The following ELK3 variants were observed in gnomAD, a reference collection of about 807,000 sequenced individuals.
The protein encoded by ELK3 is ETS transcription factor ELK3.
Under a neutral mutation model 28.9 loss-of-function variants are expected in ELK3, and 10 were observed. The ratio of observed to expected loss-of-function variants is 0.35; its 90% CI spans 0.21 to 0.59. The LOEUF (loss-of-function observed/expected upper bound fraction) is 0.59, where lower values mean the gene tolerates loss of function less well. ELK3 is among the 20% of genes least tolerant of loss of function. The pLI, the probability that ELK3 is intolerant of heterozygous loss-of-function variation, is 0.82. For synonymous variants in ELK3, 272 were observed against 243.5 expected, an observed-to-expected ratio of 1.12 and a Z score of -1.09; for missense variants, 463 against 517.3, an observed-to-expected ratio of 0.90 and a Z score of 1.02.
chr12:96,246,898 C>A, intron 2 of ELK3, 42 bp from the exon 3 acceptor site: 1 of 1,541,406 alleles, frequency 6.5e-7, no homozygotes, highest in Non-Finnish European at 8.8e-7. Context: ...CATGGTTTCT[C>A]GGGTGCACTC....
chr12:96,206,779 G>A (rs1951540941), intron 1 of ELK3, among the ~76,000 whole-genome samples: 1 of 152,170 alleles, frequency 6.6e-6, no homozygotes, highest in South Asian at 2.1e-4. Flanking sequence ...TAAGGGCAGC[G>A]AGGATGCTTT....
chr12:96,204,625 C>T (rs1951528738), intron 1 of ELK3, among the ~76,000 whole-genome samples: 2 of 152,026 alleles, frequency 1.3e-5, no homozygotes, highest in African/African-American at 2.4e-5. Flanking sequence ...AAAATAAGCC[C>T]GAAATTATTC....
At chr12:96,257,863 T>C (rs534092363) in intron 3 of ELK3, among the ~76,000 whole-genome samples, 56 of 152,216 alleles carry the variant, frequency 3.7e-4, no homozygotes, top group Non-Finnish European at 5.4e-4. Flanking sequence ...CTCACATAGA[T>C]GAAGTACGTT....
At chr12:96,240,979 G>T (rs1473876214) in intron 2 of ELK3, among the ~76,000 whole-genome samples, 1 of 152,196 alleles carries the variant, frequency 6.6e-6, no homozygotes. Flanking sequence ...TGAAATTATG[G>T]CTCATTAAGC....
chr12:96,217,772 C>A (rs1223763580), intron 1 of ELK3, among the ~76,000 whole-genome samples: 3 of 151,802 alleles, frequency 2.0e-5, no homozygotes, highest in Non-Finnish European at 4.4e-5. Flanking sequence ...CCTGTCTCCA[C>A]TAAAAATACA....
At chr12:96,199,618 C>T (rs1430566265) in intron 1 of ELK3, among the ~76,000 whole-genome samples, 3 of 151,912 alleles carry the variant, frequency 2.0e-5, no homozygotes, top group Non-Finnish European at 4.4e-5. Context: ...CTGCCTGAAA[C>T]CAAAATAAAA....
At chr12:96,216,085 T>C (rs1951615537) in intron 1 of ELK3, among the ~76,000 whole-genome samples, 1 of 152,226 alleles carries the variant, frequency 6.6e-6, no homozygotes, top group South Asian at 2.1e-4. Flanking sequence ...TCTGTGTCTT[T>C]TGCCCTGACC....
chr12:96,230,918 C>T (rs927758073), intron 2 of ELK3, among the ~76,000 whole-genome samples: 1 of 152,156 alleles, frequency 6.6e-6, no homozygotes, highest in Non-Finnish European at 1.5e-5. Context: ...GGGGCAAACC[C>T]AATTATAATT....
rs1400192970 is a variant in ELK3, at chr12:96,268,575, A to C, written c.*1395A>C. On this transcript the variant is annotated 3_prime_UTR_variant, in exon 5 of 5. Transcript: ENST00000228741. ...GAAAGTTCTAATACAAGAAAACTGA[A>C]AAGCACCAAGCTTTAAATTCAAGAT... 2.6e-5 allele frequency: 4 copies of C among 152,228 alleles called. No homozygotes were observed. Among genetic ancestry groups the C allele is most frequent in the Non-Finnish European group, 5.9e-5 (4 of 68,034 alleles). 9.4% of individuals were successfully genotyped at this position (152,228 alleles called of 1,614,324 possible). A position where few individuals can be genotyped will look rare whatever the true frequency, so the allele number is the denominator to read the frequency against.
chr12:96,249,433 C>T (rs969046211), intron 3 of ELK3, among the ~76,000 whole-genome samples: 8 of 152,104 alleles, frequency 5.3e-5, no homozygotes, highest in African/African-American at 1.9e-4. Flanking sequence ...AGAGTGAGCA[C>T]GTGTGCTCTT....
intron 2 of ELK3, among the ~76,000 whole-genome samples, chr12:96,234,816 A>G (rs1437035440): frequency 6.6e-6 from 1 of 152,044 alleles, no homozygotes; most frequent in Non-Finnish European, 1.5e-5. Flanking sequence ...TCAGACTAAG[A>G]GTGTTGACCC....
rs369063032 is a variant in ELK3, at chr12:96,247,620, C to G, written c.888C>G (p.Gly296=). 1 of 1,613,714 alleles carries G rather than the reference C, an allele frequency of 6.2e-7. No individual in the cohort carries two copies. Among genetic ancestry groups the G allele is most frequent in the Non-Finnish European group, 8.5e-7 (1 of 1,180,034 alleles). Residue 296 remains glycine (G), a synonymous_variant, in exon 3 of 5, where the codon GGC becomes GGG. Transcript: ENST00000228741. This position sits in a 1 kb window ranked among gnomAD's most constrained non-coding sequence, Gnocchi z 5.5. The part of the protein sequence containing the change: ...SLPPKAKKPK[G]LEISAPPLVL... ...CCCCAAAGGCCAAAAAACCCAAAGG[C>G]TTGGAAATCTCAGCGCCCCCGCTGG... is the stretch of plus-strand genomic sequence containing the variant.
At chr12:96,217,399 C>T (rs999593100) in intron 1 of ELK3, among the ~76,000 whole-genome samples, 9 of 152,242 alleles carry the variant, frequency 5.9e-5, no homozygotes, top group South Asian at 4.1e-4. Flanking sequence ...CGTCTATAGA[C>T]AGCCAAATTC....
intron 1 of ELK3, among the ~76,000 whole-genome samples, 167 bp downstream of exon 1, chr12:96,194,872 G>T (rs1951450788): frequency 7.0e-6 from 1 of 143,604 alleles, no homozygotes; most frequent in African/African-American, 2.5e-5. Flanking sequence ...CGGGAGGGCC[G>T]GCCGCGGGGA....
chr12:96,220,382 A>ATTTTTT (rs35309478), intron 1 of ELK3, among the ~76,000 whole-genome samples: 5 of 100,312 alleles, frequency 5.0e-5, no homozygotes, highest in East Asian at 3.2e-4. Flanking sequence ...CTTTTTCGTG[A>ATTTTTT]TTTTTTTTTT....
Position 96,199,715 on chromosome 12 carries a change from T to C in ELK3, c.-3+5010T>C, listed in dbSNP as rs145885121. Among the ~76,000 whole-genome samples, 446 of 152,314 alleles carry C rather than the reference T, an allele frequency of 2.9e-3. 6 individuals are homozygous for C. Among genetic ancestry groups the C allele is most frequent in the African/African-American group, 0.01 (428 of 41,574 alleles). ...AACTAGTCATTTCAATAAATTGTGA[T>C]TTGGTTTGAATTCCCACTAGGAATA... On this transcript the variant is annotated intron_variant, in intron 1 of 4. Transcript: ENST00000228741.
chr12:96,209,904 C>T (rs1320696862), intron 1 of ELK3, among the ~76,000 whole-genome samples: 3 of 150,962 alleles, frequency 2.0e-5, no homozygotes, highest in Admixed American at 6.6e-5. Flanking sequence ...GTAGCTCACA[C>T]GACTTTTTCT....
rs535042410 is a variant in ELK3, at chr12:96,205,642, C to G, written c.-3+10937C>G. The stretch of plus-strand genomic sequence containing the variant: ...TACAGGCTTGAGCCACTACACCCAG[C>G]TCTTCTTTTCTTTTTTGAAAAAGCA... On this transcript the variant is annotated intron_variant, in intron 1 of 4. Transcript: ENST00000228741. Among the ~76,000 whole-genome samples, 8 of 152,292 alleles carry G rather than the reference C, an allele frequency of 5.3e-5. No individual in the cohort carries two copies. The South Asian group carries it at 1.7e-3, about 32-fold the overall frequency.
At chr12:96,209,219 G>A (rs966233547) in intron 1 of ELK3, among the ~76,000 whole-genome samples, 7 of 152,212 alleles carry the variant, frequency 4.6e-5, no homozygotes, top group African/African-American at 1.7e-4. Context: ...GCTAACACAT[G>A]AGATTTTCTT....
Sources: allele counts gnomAD v4.1 joint callset (sites outside exome capture counted in the v4.1 genomes callset), GRCh38; gene constraint gnomAD v4.1.1; non-coding constraint Gnocchi (gnomAD v3.1); transcripts MANE v1.5; gene names NCBI Gene and HGNC (gene_info 2026-07-23, HGNC 2026-07-21).